Variants in CSMD1 observed in about 807,000 individuals in gnomAD.
The protein encoded by CSMD1 is CUB and Sushi multiple domains 1, also known as CUB and sushi domain-containing protein 1.
A neutral mutation model predicts 417.5 loss-of-function variants in CSMD1; 213 were observed. The observed-to-expected ratio is 0.51, with a 90% CI of 0.46 to 0.57. The LOEUF is 0.57. Ranked by LOEUF, CSMD1 falls within the 20% of genes least tolerant of loss-of-function variation. The pLI, the probability that CSMD1 is intolerant of heterozygous loss-of-function variation, is 0.00. For synonymous variants in CSMD1, 2,862 were observed against 1,736.8 expected (o/e 1.65, Z -16.11); for missense variants, 6,923 against 4,529.7 (o/e 1.53, Z -15.17).
chr8:4,305,946 G>A (rs1465229049), intron 3 of CSMD1, among the ~76,000 whole-genome samples: 1 of 152,124 alleles, frequency 6.6e-6, no homozygotes, highest in Non-Finnish European at 1.5e-5. Flanking sequence ...AAACTGTATT[G>A]CAGGGTAACT....
At chr8:4,681,738 T>C (rs748697378) in intron 1 of CSMD1, among the ~76,000 whole-genome samples, 27 of 152,118 alleles carry the variant, frequency 1.8e-4, no homozygotes, top group Non-Finnish European at 3.2e-4. Context: ...CCTAGACCTA[T>C]TGTGAAAAAT....
At chr8:4,981,753 G>A (rs554664771) in intron 1 of CSMD1, among the ~76,000 whole-genome samples, 2 of 152,138 alleles carry the variant, frequency 1.3e-5, no homozygotes, top group Admixed American at 6.5e-5. Context: ...TTCTCCTTGA[G>A]AGTGGGCAGG....
At chr8:3,010,524 C>T (rs1436844628) in intron 52 of CSMD1, among the ~76,000 whole-genome samples, 2 of 152,120 alleles carry the variant, frequency 1.3e-5, no homozygotes, top group African/African-American at 4.8e-5. Context: ...GCAAGTCCGA[C>T]TTCCTTGGGC....
chr8:2,942,685 T>C lies in CSMD1; in HGVS notation c.10403-81A>G, dbSNP rs904036336. The C allele has an allele frequency of 5.6e-5, 62 of 1,114,180 alleles. No individual in the cohort carries two copies. The Admixed American group carries it at 1.9e-3, about 33-fold the overall frequency. The allele number at this position is 1,114,180 out of a possible 1,614,324, so 69.0% of individuals were successfully genotyped here. A position where few individuals can be genotyped will look rare whatever the true frequency, so the allele number is the denominator to read the frequency against. On this transcript the variant is annotated intron_variant, in intron 68 of 69. Transcript: ENST00000635120. ...ACATATGATAAATTTTGTAAATGGA[T>C]ACGAACTCTTCAAGAAGCAGACGGA...
chr8:4,882,948 G>C (rs1049945447), intron 1 of CSMD1, among the ~76,000 whole-genome samples: 3 of 152,016 alleles, frequency 2.0e-5, no homozygotes, highest in Non-Finnish European at 4.4e-5. Context: ...GGAGCTAGCA[G>C]TGTTAGCTCC....
rs751069597 is a variant in CSMD1, at chr8:3,406,067, G to A, written c.2226C>T (p.Asp742=). ...CGGTGGAGCTCCAGACCACGTTCCC[G>A]TCTTGCAGTATGCAGGTAATGGACT... The part of the protein sequence containing the change: ...GSESITCILQ[D]GNVVWSSTVP... The change falls in exon 15 of 70, where the codon GAC becomes GAT. Residue 742 remains aspartate, a synonymous_variant. Coordinates refer to ENST00000635120, the MANE Select transcript of CSMD1 (RefSeq NM_033225.6). The A allele has an allele frequency of 4.3e-5, 69 of 1,613,944 alleles. 1 individual carries two copies. The South Asian group carries it at 4.3e-4, about 10-fold the overall frequency.
chr8:3,411,562 G>C (rs540394062), intron 12 of CSMD1, among the ~76,000 whole-genome samples: 1 of 150,848 alleles, frequency 6.6e-6, no homozygotes, highest in African/African-American at 2.4e-5. Flanking sequence ...TGCATTCCTG[G>C]GTTACTTCAC....
At chr8:3,729,482 G>C (rs941316993) in intron 6 of CSMD1, among the ~76,000 whole-genome samples, 3 of 152,164 alleles carry the variant, frequency 2.0e-5, no homozygotes, top group African/African-American at 7.2e-5. Context: ...TGAACATAGA[G>C]GCAATATGTA....
At chr8:3,327,783 A>C (rs1806629958) in intron 23 of CSMD1, among the ~76,000 whole-genome samples, 1 of 152,238 alleles carries the variant, frequency 6.6e-6, no homozygotes, top group Admixed American at 6.5e-5. Flanking sequence ...CTTTTAAACA[A>C]ATTGTGAAAT....
chr8:4,109,690 C>G (rs2130906406), intron 3 of CSMD1, among the ~76,000 whole-genome samples: 1 of 152,284 alleles, frequency 6.6e-6, no homozygotes, highest in East Asian at 1.9e-4. Flanking sequence ...TTTCAAGATA[C>G]TCCGAGGCAT....
chr8:4,486,516 T>C (rs1801425554), intron 2 of CSMD1, among the ~76,000 whole-genome samples: 2 of 151,996 alleles, frequency 1.3e-5, no homozygotes, highest in Admixed American at 6.6e-5. Flanking sequence ...GTTTATATTG[T>C]ACATTTTTAT....
intron 4 of CSMD1, among the ~76,000 whole-genome samples, chr8:4,029,678 C>T (rs371679606): frequency 1.3e-5 from 2 of 152,094 alleles, no homozygotes; most frequent in East Asian, 1.9e-4. Context: ...ATCTCATGTC[C>T]TCACATTTCA....
intron 1 of CSMD1, among the ~76,000 whole-genome samples, chr8:4,897,636 T>G (rs560457336): frequency 6.6e-6 from 1 of 152,134 alleles, no homozygotes; most frequent in East Asian, 1.9e-4. Context: ...TACGTTAATG[T>G]CCAATAATAT....
intron 30 of CSMD1, among the ~76,000 whole-genome samples, chr8:3,209,695 A>C (rs1045601422): frequency 5.3e-5 from 8 of 152,210 alleles, no homozygotes; most frequent in Admixed American, 1.3e-4. Flanking sequence ...TCACCTTAGA[A>C]GTTATTTTAT....
At chr8:4,831,335 C>A (rs567550827) in intron 1 of CSMD1, among the ~76,000 whole-genome samples, 1 of 152,258 alleles carries the variant, frequency 6.6e-6, no homozygotes, top group South Asian at 2.1e-4. Flanking sequence ...TCAGCAATTA[C>A]TGCAATACCT....
intron 3 of CSMD1, among the ~76,000 whole-genome samples, chr8:4,331,150 C>A (rs1799848517): frequency 6.6e-6 from 1 of 152,072 alleles, no homozygotes; most frequent in African/African-American, 2.4e-5. Context: ...AACTATCCTC[C>A]CCAAATTATT....
intron 1 of CSMD1, among the ~76,000 whole-genome samples, chr8:4,853,740 G>A (rs1233915559): frequency 6.6e-6 from 1 of 152,246 alleles, no homozygotes; most frequent in Non-Finnish European, 1.5e-5. Flanking sequence ...ATCTCGTCAT[G>A]GAAAAGTCAT....
intron 3 of CSMD1, among the ~76,000 whole-genome samples, chr8:4,333,486 A>G (rs993281212): frequency 7.2e-5 from 11 of 152,152 alleles, no homozygotes; most frequent in African/African-American, 2.7e-4. Context: ...TTATATTAGT[A>G]TGATTATGTG....
At chr8:3,794,099 G>A (rs1327234259) in intron 5 of CSMD1, among the ~76,000 whole-genome samples, 1 of 152,160 alleles carries the variant, frequency 6.6e-6, no homozygotes, top group African/African-American at 2.4e-5. Flanking sequence ...GAAAAATGCA[G>A]GGTCGCAGGC....
Sources: allele counts gnomAD v4.1 joint callset (sites outside exome capture counted in the v4.1 genomes callset), GRCh38; gene constraint gnomAD v4.1.1; transcripts MANE v1.5; gene names NCBI Gene and HGNC (gene_info 2026-07-23, HGNC 2026-07-21).